Variants in CCDC192 observed in about 807,000 individuals in gnomAD.
The protein encoded by CCDC192 is coiled-coil domain-containing protein 192.
chr5:127,726,505 T>G (rs1290757347), intron 2 of CCDC192, among the ~76,000 whole-genome samples: 2 of 152,160 alleles, frequency 1.3e-5, no homozygotes, highest in East Asian at 3.9e-4. Flanking sequence ...CCAAAGAACC[T>G]GTCTAACAAG....
chr5:127,708,689 T>A (rs1457982719), intron 2 of CCDC192, among the ~76,000 whole-genome samples: 1 of 152,192 alleles, frequency 6.6e-6, no homozygotes, highest in Non-Finnish European at 1.5e-5. Context: ...AGAATAAAGA[T>A]AATGGACTTA....
chr5:127,721,946 A>G (rs939744664), intron 2 of CCDC192, among the ~76,000 whole-genome samples: 4 of 152,178 alleles, frequency 2.6e-5, no homozygotes, highest in Admixed American at 6.5e-5. Context: ...CAATGATCCA[A>G]TCACCCCCCA....
At chr5:127,765,704 A>G (rs1446374530) in intron 3 of CCDC192, among the ~76,000 whole-genome samples, 1 of 152,218 alleles carries the variant, frequency 6.6e-6, no homozygotes. Context: ...ATTAATAAAC[A>G]AAATAGTAAA....
At chr5:127,938,153 AG>A (rs1217263969) in intron 6 of CCDC192, among the ~76,000 whole-genome samples, 112 of 152,276 alleles carry the variant, frequency 7.4e-4, no homozygotes, top group African/African-American at 2.6e-3. Context: ...ATGTAGTTTA[AG>A]GAGTAGCTTA....
chr5:127,884,417 A>C (rs148244432), intron 6 of CCDC192, among the ~76,000 whole-genome samples: 235 of 149,314 alleles, frequency 1.6e-3, no homozygotes, highest in African/African-American at 5.2e-3. Flanking sequence ...ACAGAAAGCT[A>C]TCTTATATCA....
chr5:127,808,989 A>G (rs813165), intron 5 of CCDC192, among the ~76,000 whole-genome samples: 47,969 of 152,070 alleles, frequency 0.32, 8,357 homozygotes, highest in Non-Finnish European at 0.39. Context: ...ATCGTCCAAA[A>G]AAGATACTAA....
At chr5:127,896,494 T>C (rs1309177211) in intron 6 of CCDC192, among the ~76,000 whole-genome samples, 1 of 151,668 alleles carries the variant, frequency 6.6e-6, no homozygotes, top group Admixed American at 6.6e-5. Flanking sequence ...AGTGCAACAC[T>C]GCGAACTCGG....
chr5:127,819,213 G>A (rs1475923675), intron 5 of CCDC192, among the ~76,000 whole-genome samples: 1 of 152,106 alleles, frequency 6.6e-6, no homozygotes, highest in Non-Finnish European at 1.5e-5. Context: ...GAGGGTACAC[G>A]CTAAGGCAAC....
intron 2 of CCDC192, among the ~76,000 whole-genome samples, chr5:127,746,251 AAG>A: frequency 6.6e-6 from 1 of 152,184 alleles, no homozygotes; most frequent in South Asian, 2.1e-4. Context: ...TCTGTATGAA[AAG>A]TCCTATGTTA....
intron 5 of CCDC192, among the ~76,000 whole-genome samples, chr5:127,798,659 C>G (rs1757308924): frequency 6.6e-6 from 1 of 151,990 alleles, no homozygotes; most frequent in African/African-American, 2.4e-5. Flanking sequence ...TCAGACAATG[C>G]TGATGCTGCC....
At chr5:127,896,092 G>A (rs888629790) in intron 6 of CCDC192, among the ~76,000 whole-genome samples, 1 of 152,032 alleles carries the variant, frequency 6.6e-6, no homozygotes, top group African/African-American at 2.4e-5. Flanking sequence ...GCAGGAATTT[G>A]CATTTTTAAG....
intron 6 of CCDC192, among the ~76,000 whole-genome samples, chr5:127,898,387 G>A (rs1447435527): frequency 4.6e-5 from 7 of 152,304 alleles, no homozygotes; most frequent in Admixed American, 2.0e-4. Flanking sequence ...GGGATTACAA[G>A]CGTGAGCCAC....
chr5:127,732,190 A>G (rs1752679617), intron 2 of CCDC192, among the ~76,000 whole-genome samples: 1 of 152,214 alleles, frequency 6.6e-6, no homozygotes, highest in South Asian at 2.1e-4. Flanking sequence ...AAAGACATGA[A>G]CAGACACTTC....
chr5:127,733,747 C>T, intron 2 of CCDC192, among the ~76,000 whole-genome samples: 1 of 152,092 alleles, frequency 6.6e-6, no homozygotes, highest in East Asian at 1.9e-4. Flanking sequence ...TCTTCTATCA[C>T]TGTAGCCTCT....
intron 1 of CCDC192, among the ~76,000 whole-genome samples, chr5:127,706,483 T>G (rs1337261554): frequency 7.6e-6 from 1 of 130,834 alleles, no homozygotes; most frequent in East Asian, 2.3e-4. Flanking sequence ...GAGATTGTGC[T>G]ACTGCACTCC....
intron 5 of CCDC192, among the ~76,000 whole-genome samples, chr5:127,865,213 A>G (rs1240736995): frequency 3.9e-5 from 6 of 152,130 alleles, no homozygotes; most frequent in South Asian, 2.1e-4. Flanking sequence ...CCTATGAAAC[A>G]TGGCTTCATA....
chr5:127,850,482 G>A (rs1310232285), intron 5 of CCDC192, among the ~76,000 whole-genome samples: 2 of 152,094 alleles, frequency 1.3e-5, no homozygotes, highest in African/African-American at 2.4e-5. Flanking sequence ...CCTATAACAA[G>A]GAAATTCTCC....
At chr5:127,813,679 A>G (rs768408457) in intron 5 of CCDC192, among the ~76,000 whole-genome samples, 16 of 152,200 alleles carry the variant, frequency 1.1e-4, no homozygotes, top group Non-Finnish European at 1.8e-4. Flanking sequence ...CTCAGTGACC[A>G]TATTTAAAAA....
At chr5:127,912,419 C>CAAAAAAGAAAAA (rs1753397794) in intron 6 of CCDC192, among the ~76,000 whole-genome samples, 1 of 81,452 alleles carries the variant, frequency 1.2e-5, no homozygotes, top group Non-Finnish European at 2.2e-5. Flanking sequence ...CTGGGTTTAG[C>CAAAAAAGAAAAA]AAAAAAAAAA....
Sources: gnomAD v4.1 joint callset for allele counts (sites outside exome capture counted in the v4.1 genomes callset) on GRCh38, gnomAD v4.1.1 for gene constraint, MANE v1.5 for transcripts, NCBI Gene and HGNC (gene_info 2026-07-23, HGNC 2026-07-21) for gene names.